Variants in SHISA9 observed in about 807,000 individuals in gnomAD.
The protein encoded by SHISA9 is shisa family member 9, also known as protein shisa-9.
A neutral mutation model predicts 38.0 loss-of-function variants in SHISA9; 13 were observed. The observed-to-expected ratio is 0.34, with a 90% CI of 0.22 to 0.54. The LOEUF is 0.54. Ranked by LOEUF, SHISA9 falls within the 20% of genes least tolerant of loss-of-function variation. The pLI is 0.91. For missense variants in SHISA9, 538 were observed against 575.8 expected (o/e 0.93, Z 0.67); for synonymous variants, 275 against 242.0 (o/e 1.14, Z -1.27).
At chr16:13,196,408 A>AAAAAG (rs1247129529) in intron 2 of SHISA9, among the ~76,000 whole-genome samples, 2 of 138,658 alleles carry the variant, frequency 1.4e-5, no homozygotes, top group East Asian at 3.9e-4. Context: ...AAAAAAAAAA[A>AAAAAG]AAGAAAGAAA....
chr16:13,128,287 A>T lies in SHISA9; in HGVS notation c.692-75107A>T, dbSNP rs141351714. Among the ~76,000 whole-genome samples, 525 of 152,280 alleles carry T rather than the reference A, an allele frequency of 3.4e-3. 3 individuals carry two copies. The highest frequency in any genetic ancestry group is 0.012 in the African/African-American group (507 of 41,562). On this transcript the variant is annotated intron_variant, in intron 2 of 4. Transcript: ENST00000558583. ...CCATTCTTAGTGCCAGGTGTTCTGC[A>T]GGGAATTCTATGTGCATTGTCTAAT... is the stretch of plus-strand genomic sequence containing the variant.
chr16:13,300,378 C>G, the SHISA9 span, among the ~76,000 whole-genome samples: 1 of 152,022 alleles, frequency 6.6e-6, no homozygotes, highest in Non-Finnish European at 1.5e-5. Context: ...CATTCCTAGC[C>G]CCAAACTAGC....
intron 2 of SHISA9, among the ~76,000 whole-genome samples, chr16:13,175,529 T>G (rs1177722583): frequency 6.6e-6 from 1 of 152,182 alleles, no homozygotes; most frequent in Non-Finnish European, 1.5e-5. Context: ...GTGAGGGTTC[T>G]GAGATGGGTA....
At chr16:13,386,233 A>G in the SHISA9 span, among the ~76,000 whole-genome samples, 2 of 152,214 alleles carry the variant, frequency 1.3e-5, no homozygotes, top group Non-Finnish European at 2.9e-5. Flanking sequence ...TATCATTAGG[A>G]GAAACTGGAT....
At chr16:13,354,622 G>A in the SHISA9 span, among the ~76,000 whole-genome samples, 10 of 145,084 alleles carry the variant, frequency 6.9e-5, no homozygotes, top group African/African-American at 2.5e-4. Context: ...GATTTTGAGG[G>A]CCTCTAAAAG....
At chr16:13,483,348 C>T in the SHISA9 span, among the ~76,000 whole-genome samples, 2 of 152,204 alleles carry the variant, frequency 1.3e-5, no homozygotes, top group African/African-American at 4.8e-5. Flanking sequence ...AGAGTGGATC[C>T]GAACACTTTA....
At chr16:13,141,193 T>G (rs1286310744) in intron 2 of SHISA9, among the ~76,000 whole-genome samples, 15 of 152,302 alleles carry the variant, frequency 9.8e-5, no homozygotes, top group African/African-American at 2.6e-4. Context: ...TTATTCTTGC[T>G]TATTTCCTTC....
chr16:13,228,346 C>T (rs1028728003), intron 4 of SHISA9, among the ~76,000 whole-genome samples: 2 of 152,166 alleles, frequency 1.3e-5, no homozygotes, highest in African/African-American at 2.4e-5. Context: ...TGGGATTTTC[C>T]CCCCATCTGC....
At chr16:13,417,654 G>A in the SHISA9 span, among the ~76,000 whole-genome samples, 1 of 152,204 alleles carries the variant, frequency 6.6e-6, no homozygotes, top group Non-Finnish European at 1.5e-5. Flanking sequence ...CATCGTAGTG[G>A]GAATCACACA....
intron 2 of SHISA9, among the ~76,000 whole-genome samples, chr16:13,119,545 A>G (rs1370101733): frequency 6.6e-6 from 1 of 152,240 alleles, no homozygotes; most frequent in East Asian, 1.9e-4. Flanking sequence ...CCATCCAATA[A>G]CTACTAACAA....
intron 2 of SHISA9, among the ~76,000 whole-genome samples, chr16:13,025,036 C>T (rs1334583475): frequency 2.0e-5 from 3 of 152,086 alleles, no homozygotes; most frequent in African/African-American, 7.2e-5. Context: ...TAAGAGGGTT[C>T]TTATAGAACA....
At chr16:13,249,908 T>A in the SHISA9 span, among the ~76,000 whole-genome samples, 1 of 152,032 alleles carries the variant, frequency 6.6e-6, no homozygotes, top group South Asian at 2.1e-4. Context: ...AATTTTTAAA[T>A]TTTTTTGTAG....
chr16:13,358,439 G>A, the SHISA9 span, among the ~76,000 whole-genome samples: 8 of 152,228 alleles, frequency 5.3e-5, no homozygotes, highest in South Asian at 1.7e-3. Flanking sequence ...GTGTCCACGT[G>A]TTCTCTCTCA....
rs377552835 is a variant in SHISA9 at position 13,164,076 on chromosome 16, C to T, written c.692-39318C>T. 4.0e-4 allele frequency among the ~76,000 whole-genome samples: 61 copies of T among 152,122 alleles called. No individual in the cohort carries two copies. In the South Asian group the frequency reaches 0.012, roughly 29 times the overall value. ...GCTTTTTTCTTGACTTTGGGGGATA[C>T]GTGTTGGATCTCCCACTATTAAGTA... On this transcript the variant is annotated intron_variant, in intron 2 of 4. Transcript: ENST00000558583.
At chr16:13,377,016 A>G in the SHISA9 span, among the ~76,000 whole-genome samples, 1 of 152,234 alleles carries the variant, frequency 6.6e-6, no homozygotes, top group African/African-American at 2.4e-5. Flanking sequence ...GATTCCCTAA[A>G]GGAAAGTTAA....
chr16:12,960,468 T>C (rs1435902664), intron 2 of SHISA9, among the ~76,000 whole-genome samples: 1 of 152,170 alleles, frequency 6.6e-6, no homozygotes, highest in Non-Finnish European at 1.5e-5. Context: ...CGTGCACACA[T>C]ATGTTCATTG....
chr16:13,368,165 T>G, the SHISA9 span, among the ~76,000 whole-genome samples: 12 of 152,180 alleles, frequency 7.9e-5, no homozygotes, highest in Non-Finnish European at 1.5e-4. Context: ...CAAAGGCATT[T>G]CTAATAGCCA....
chr16:12,923,714 G>A (rs573925608), intron 2 of SHISA9, among the ~76,000 whole-genome samples: 11 of 151,856 alleles, frequency 7.2e-5, no homozygotes, highest in South Asian at 6.3e-4. Flanking sequence ...GGTGGTGGGC[G>A]CCTGTAGTTC....
At chr16:13,283,762 T>G in the SHISA9 span, among the ~76,000 whole-genome samples, 1 of 152,126 alleles carries the variant, frequency 6.6e-6, no homozygotes, top group East Asian at 1.9e-4. Flanking sequence ...AGGACATTCT[T>G]GTGTCTTTGC....
Sources: allele counts gnomAD v4.1 joint callset (sites outside exome capture counted in the v4.1 genomes callset), GRCh38; gene constraint gnomAD v4.1.1; transcripts MANE v1.5; gene names NCBI Gene and HGNC (gene_info 2026-07-23, HGNC 2026-07-21).